CASZ1: variants seen among roughly 807,000 people sequenced by gnomAD.
CASZ1 encodes zinc finger protein castor homolog 1.
In CASZ1, 28 loss-of-function variants were observed where a neutral mutation model predicts 135.2. The observed-to-expected ratio is 0.21, with a 90% CI of 0.15 to 0.28. The LOEUF (loss-of-function observed/expected upper bound fraction) is 0.28, where lower values mean the gene tolerates loss of function less well. CASZ1 is among the 10% of genes least tolerant of loss of function. CASZ1 has a pLI of 1.00. For missense variants in CASZ1, 2,161 were observed against 2,453.3 expected (o/e 0.88, Z 2.52); for synonymous variants, 1,068 against 1,073.4 (o/e 0.99, Z 0.10).
At position 10,709,763 on chromosome 1, in the gene CASZ1, A is replaced by T. The variant is rs1448008772; in HGVS notation, c.-76-4219T>A. On this transcript the variant is annotated intron_variant, in intron 2 of 20. Coordinates refer to ENST00000377022, the MANE Select transcript of CASZ1 (RefSeq NM_001079843.3). This position sits in a 1 kb window ranked among gnomAD's most constrained non-coding sequence, Gnocchi z 5.1. ...GCAGTGCCGCAGGGGGATGCGCACC[A>T]GGGGGATCCCATGGCATAACCAGGC... Among the ~76,000 whole-genome samples the T allele has an allele frequency of 6.6e-6, 1 of 152,176 alleles. No homozygotes were observed. The highest frequency in any genetic ancestry group is 1.5e-5 in the Non-Finnish European group (1 of 68,036).
At chr1:10,728,052 G>A (rs1009094770) in intron 2 of CASZ1, among the ~76,000 whole-genome samples, 1 of 152,226 alleles carries the variant, frequency 6.6e-6, no homozygotes, top group African/African-American at 2.4e-5. Context: ...TCAACACATC[G>A]CGGTGGTAGG....
intron 4 of CASZ1, among the ~76,000 whole-genome samples, chr1:10,680,086 GTGA>G (rs1454873689): frequency 1.3e-5 from 2 of 152,272 alleles, no homozygotes; most frequent in Non-Finnish European, 2.9e-5. Context: ...GGGAAGGGGA[GTGA>G]TGGCTTTATG....
chr1:10,724,226 A>G lies in CASZ1; in HGVS notation c.-76-18682T>C, dbSNP rs1287099169. Among the ~76,000 whole-genome samples, 5 of 152,186 alleles carry G rather than the reference A, an allele frequency of 3.3e-5. No individual in the cohort carries two copies. The highest frequency in any genetic ancestry group is 1.2e-4 in the African/African-American group (5 of 41,448). On this transcript the variant is annotated intron_variant, in intron 2 of 20. Transcript: ENST00000377022. The surrounding 1 kb of genome is among the most constrained non-coding windows in gnomAD (Gnocchi z 4.1). ...AAGGCCACGTGGTCAGAGCCGGGCT[A>G]TAAATAGCCAGCAAATCATTTCCCA...
chr1:10,649,354 G>C lies in CASZ1; in HGVS notation c.2964C>G (p.Pro988=), dbSNP rs150861465. Residue 988 remains proline, a synonymous_variant, in exon 14 of 21, where the codon CCC becomes CCG. Transcript: ENST00000377022. The part of the protein sequence containing the change: ...AEGSPAAEPS[P]FLGKAVKALV... ...GCGCCTTCACGGCCTTGCCTAGGAA[G>C]GGCGAGGGCTCCGCAGCGGGGCTCC... 7.2e-4 allele frequency: 1,153 copies of C among 1,602,650 alleles called. 13 individuals are homozygous for C. In the African/African-American group the frequency reaches 0.013, roughly 19 times the overall value.
At chr1:10,644,845 C>A in intron 18 of CASZ1, 72 bp downstream of exon 18, 8 of 1,490,064 alleles carry the variant, frequency 5.4e-6, no homozygotes, top group Non-Finnish European at 7.3e-6. Flanking sequence ...CCAGGAGAGG[C>A]GGCCCAGGCC....
At chr1:10,729,111 G>A (rs1214864980) in intron 2 of CASZ1, among the ~76,000 whole-genome samples, 5 of 141,488 alleles carry the variant, frequency 3.5e-5, no homozygotes, top group African/African-American at 1.3e-4. Flanking sequence ...GGAGGAGAGG[G>A]AAGGGGTGGG....
At chr1:10,656,762 G>C (rs1380815363) in intron 7 of CASZ1, 26 bp from the exon 8 acceptor site, 1 of 1,500,852 alleles carries the variant, frequency 6.7e-7, no homozygotes. Context: ...GTGGGGTCAG[G>C]GCCCTGCTGT....
chr1:10,791,993 A>C (rs1034645693), intron 1 of CASZ1, among the ~76,000 whole-genome samples: 4 of 151,906 alleles, frequency 2.6e-5, no homozygotes, highest in African/African-American at 9.7e-5. Context: ...TCTACTCGTA[A>C]GCCTCTGTTC....
chr1:10,653,569 C>G lies in CASZ1; in HGVS notation c.2488G>C (p.Ala830Pro). 1.3e-6 allele frequency: 2 copies of G among 1,574,512 alleles called. No individual in the cohort carries two copies. Among genetic ancestry groups the G allele is most frequent in the South Asian group, 1.2e-5 (1 of 84,524 alleles). Residue 830 changes from alanine (A) to proline (P), a missense_variant, in exon 11 of 21, where the codon GCC becomes CCC. This residue lies in a region of CASZ1 where 406 missense variants were observed against 387.6 expected (regional missense o/e 1.05). Transcript: ENST00000377022. ...LLGAVSSGSA[A>P]SATPDTPTLV... is the part of the protein sequence containing the mutation. ...GTGGGTGTGTCAGGGGTGGCTGAGG[C>G]TGCTGACCCAGACGACACGGCACCC...
In CASZ1 at chr1:10,770,559, G is replaced by T. The variant is rs1038419441; in HGVS notation, c.-233-9702C>A. Among the ~76,000 whole-genome samples the T allele has an allele frequency of 2.6e-5, 4 of 152,186 alleles. No homozygotes were observed. In the East Asian group the frequency reaches 7.8e-4, roughly 29 times the overall value. On this transcript the variant is annotated intron_variant, in intron 1 of 20. Coordinates refer to ENST00000377022, the MANE Select transcript of CASZ1 (RefSeq NM_001079843.3). Reference sequence around the variant, plus strand: ...CCCAGCCAACTGGGCCCCTAGCTGCGGGGTGGTGAAAGGAGCCAGCAGTGC... The same window carrying T: ...CCCAGCCAACTGGGCCCCTAGCTGCTGGGTGGTGAAAGGAGCCAGCAGTGC...
rs1639596137 is a variant in CASZ1, at chr1:10,726,312, C to G, written c.-76-20768G>C. Among the ~76,000 whole-genome samples the G allele has an allele frequency of 6.6e-6, 1 of 152,144 alleles. No homozygotes were observed. Among genetic ancestry groups the G allele is most frequent in the Admixed American group, 6.5e-5 (1 of 15,278 alleles). On this transcript the variant is annotated intron_variant, in intron 2 of 20. Coordinates refer to ENST00000377022, the MANE Select transcript of CASZ1 (RefSeq NM_001079843.3). The surrounding 1 kb of genome is among the most constrained non-coding windows in gnomAD (Gnocchi z 5.7). ...GGAAATGAGGCTTGGGGAGGTGAAACCGGGTCTCCCCAGCTTGGGGCTACT... is the reference window on the plus strand; with the variant it reads ...GGAAATGAGGCTTGGGGAGGTGAAAGCGGGTCTCCCCAGCTTGGGGCTACT...
At chr1:10,761,837 A>G (rs1440021160) in intron 1 of CASZ1, among the ~76,000 whole-genome samples, 1 of 152,104 alleles carries the variant, frequency 6.6e-6, no homozygotes, top group African/African-American at 2.4e-5. Flanking sequence ...GGTGCTGAGA[A>G]CCCAGAGGGG....
Position 10,767,340 on chromosome 1 carries a change from C to T in CASZ1, c.-233-6483G>A, listed in dbSNP as rs1162547533. 6.6e-6 allele frequency among the ~76,000 whole-genome samples: 1 copy of T among 152,264 alleles called. No homozygotes were observed. Among genetic ancestry groups the T allele is most frequent in the East Asian group, 1.9e-4 (1 of 5,200 alleles). On this transcript the variant is annotated intron_variant, in intron 1 of 20. Transcript: ENST00000377022. This position sits in a 1 kb window ranked among gnomAD's most constrained non-coding sequence, Gnocchi z 4.2. ...AGGCAGCAGAGCTGGGGCCCCATCTCCCAGCAATGGAGGCCCAAAGCCTGG... is the reference window on the plus strand; with the variant it reads ...AGGCAGCAGAGCTGGGGCCCCATCTTCCAGCAATGGAGGCCCAAAGCCTGG...
chr1:10,787,176 A>G (rs1258516233), intron 1 of CASZ1, among the ~76,000 whole-genome samples: 1 of 152,244 alleles, frequency 6.6e-6, no homozygotes, highest in Admixed American at 6.5e-5. Flanking sequence ...ACTGAGGCCC[A>G]GAAAGGTAAA....
At chr1:10,792,884 C>A (rs190991678) in intron 1 of CASZ1, among the ~76,000 whole-genome samples, 4 of 152,226 alleles carry the variant, frequency 2.6e-5, no homozygotes, top group African/African-American at 9.6e-5. Context: ...ATAAAGCACT[C>A]CAGTAAGTTT....
At chr1:10,652,246 GA>G (rs1642616992) in intron 11 of CASZ1, 1 of 152,302 alleles carries the variant, frequency 6.6e-6, no homozygotes, top group Admixed American at 6.5e-5. Flanking sequence ...AGAGGGTTTC[GA>G]ATGGGAACAG....
In CASZ1 at chr1:10,694,206, G is replaced by A. The variant is rs2100412086; in HGVS notation, c.-23-294C>T. ...GGCCGGGGGATCCGCGAGGCCCAGG[G>A]GCGCCCCCGTCCCGCCGACCGCGCC... On this transcript the variant is annotated intron_variant, in intron 3 of 20. Transcript: ENST00000377022. The surrounding 1 kb of genome is among the most constrained non-coding windows in gnomAD (Gnocchi z 6.6). 2.4e-6 allele frequency: 1 copy of A among 411,000 alleles called. No individual in the cohort carries two copies. The highest frequency in any genetic ancestry group is 1.0e-4 in the South Asian group (1 of 9,972). 25.5% of individuals were successfully genotyped at this position (411,000 alleles called of 1,614,324 possible). A position where few individuals can be genotyped will look rare whatever the true frequency, so the allele number is the denominator to read the frequency against.
At chr1:10,716,669 G>A (rs1639400449) in intron 2 of CASZ1, among the ~76,000 whole-genome samples, 1 of 152,166 alleles carries the variant, frequency 6.6e-6, no homozygotes, top group South Asian at 2.1e-4. Flanking sequence ...TGACCCTCTA[G>A]ACAGCACAAT....
At chr1:10,693,352 A>G (rs1011207416) in intron 4 of CASZ1, among the ~76,000 whole-genome samples, 6 of 152,014 alleles carry the variant, frequency 3.9e-5, no homozygotes, top group African/African-American at 1.5e-4. Context: ...AATAAATTAA[A>G]TTCCTTTACC....
Sources: gnomAD v4.1 joint callset for allele counts (sites outside exome capture counted in the v4.1 genomes callset) on GRCh38, gnomAD v4.1.1 for gene constraint, gnomAD v4.1.1 regional missense constraint, Gnocchi (gnomAD v3.1) non-coding constraint, MANE v1.5 for transcripts, NCBI Gene and HGNC (gene_info 2026-07-23, HGNC 2026-07-21) for gene names.